The following CAMTA1 variants were observed in gnomAD, a reference collection of about 807,000 sequenced individuals.
CAMTA1 encodes the protein calmodulin binding transcription activator 1.
In CAMTA1, 27 loss-of-function variants were observed where a neutral mutation model predicts 170.9. That is an observed-to-expected ratio of 0.16 (90% CI 0.12 to 0.22). CAMTA1 has a LOEUF of 0.22. Ranked by LOEUF, CAMTA1 falls within the 10% of genes least tolerant of loss-of-function variation. CAMTA1 has a pLI of 1.00. For synonymous variants in CAMTA1, 833 were observed against 891.5 expected (o/e 0.93, Z 1.17); for missense variants, 1,619 against 2,217.2 (o/e 0.73, Z 5.42).
intron 6 of CAMTA1, among the ~76,000 whole-genome samples, chr1:7,558,042 G>C (rs1181027647): frequency 2.0e-5 from 3 of 152,102 alleles, no homozygotes; most frequent in Non-Finnish European, 2.9e-5. Context: ...GGCATCCTGA[G>C]GTAAAGTGAT....
At position 7,573,443 on chromosome 1, in the gene CAMTA1, C is replaced by G. The variant is rs559152817; in HGVS notation, c.511-66957C>G. Among the ~76,000 whole-genome samples the G allele has an allele frequency of 7.9e-5, 12 of 152,342 alleles. No homozygotes were observed. In the South Asian group the frequency reaches 2.1e-3, roughly 26 times the overall value. On this transcript the variant is annotated intron_variant, in intron 6 of 22. Coordinates refer to ENST00000303635, the MANE Select transcript of CAMTA1 (RefSeq NM_015215.4). Reference sequence around the variant, plus strand: ...GATAATGGTGTTTCTATGAAGGGAACAGTGGTCCCTGGCTGCCCTAATAAA... The same window carrying G: ...GATAATGGTGTTTCTATGAAGGGAAGAGTGGTCCCTGGCTGCCCTAATAAA...
rs1326639217 is a variant in CAMTA1, at chr1:7,633,197, A to G, written c.511-7203A>G. Among the ~76,000 whole-genome samples, 1 of 152,200 alleles carries G rather than the reference A, an allele frequency of 6.6e-6. No homozygotes were observed. The highest frequency in any genetic ancestry group is 1.5e-5 in the Non-Finnish European group (1 of 68,034). ...AAGGTGCCATCTAGAAAAGGTTCTC[A>G]AAGAGATTGACTCTACCTCAGGCTC... On this transcript the variant is annotated intron_variant, in intron 6 of 22. Coordinates refer to ENST00000303635, the MANE Select transcript of CAMTA1 (RefSeq NM_015215.4). The surrounding 1 kb of genome is among the most constrained non-coding windows in gnomAD (Gnocchi z 4.1).
At chr1:7,659,226 G>A (rs1276519153) in intron 7 of CAMTA1, among the ~76,000 whole-genome samples, 1 of 152,202 alleles carries the variant, frequency 6.6e-6, no homozygotes, top group Non-Finnish European at 1.5e-5. Context: ...CTCACACATG[G>A]GTGATTTCCT....
rs920579693 is a variant in CAMTA1 at position 6,900,857 on chromosome 1, A to T, written c.234+75647A>T. On this transcript the variant is annotated intron_variant, in intron 3 of 22. Coordinates refer to ENST00000303635, the MANE Select transcript of CAMTA1 (RefSeq NM_015215.4). The stretch of plus-strand genomic sequence containing the variant: ...TAAGATGTCTGTTTTCCCTAAATTG[A>T]TTTATGAATTCCGTGCCATCCTACT... Among the ~76,000 whole-genome samples, 4 of 152,366 alleles carry T rather than the reference A, an allele frequency of 2.6e-5. No homozygotes were observed. In the East Asian group the frequency reaches 7.7e-4, roughly 29 times the overall value.
chr1:7,724,715 C>T (rs774930230), intron 11 of CAMTA1, among the ~76,000 whole-genome samples: 2 of 149,174 alleles, frequency 1.3e-5, no homozygotes, highest in Non-Finnish European at 3.0e-5. Context: ...CCCAGCTACT[C>T]GGGAGGCTGA....
intron 3 of CAMTA1, among the ~76,000 whole-genome samples, chr1:7,089,776 C>A (rs965522282): frequency 2.0e-5 from 3 of 152,106 alleles, no homozygotes; most frequent in South Asian, 2.1e-4. Flanking sequence ...GGGGAAGGTG[C>A]CAGTGCCACC....
intron 3 of CAMTA1, among the ~76,000 whole-genome samples, chr1:7,009,578 C>T (rs531520022): frequency 2.6e-5 from 4 of 152,302 alleles, no homozygotes; most frequent in African/African-American, 7.2e-5. Flanking sequence ...GAAGGACCAC[C>T]GCAGCCTCAG....
At chr1:7,364,447 C>CTTTT (rs5772274) in intron 5 of CAMTA1, among the ~76,000 whole-genome samples, 1 of 144,410 alleles carries the variant, frequency 6.9e-6, no homozygotes. Flanking sequence ...CCTTGTGACT[C>CTTTT]TTTTTTTTTT....
intron 3 of CAMTA1, among the ~76,000 whole-genome samples, chr1:6,982,797 T>C (rs1694662769): frequency 7.1e-6 from 1 of 141,654 alleles, no homozygotes; most frequent in South Asian, 2.6e-4. Context: ...TGGTTGAAGG[T>C]GCTGGCCGTA....
At chr1:7,218,888 G>A (rs1660226644) in intron 4 of CAMTA1, among the ~76,000 whole-genome samples, 1 of 152,044 alleles carries the variant, frequency 6.6e-6, no homozygotes, top group Non-Finnish European at 1.5e-5. Flanking sequence ...TGTTCTTCTT[G>A]TTGATCTGTG....
chr1:6,812,152 G>T (rs545665279), intron 1 of CAMTA1, among the ~76,000 whole-genome samples: 5 of 152,242 alleles, frequency 3.3e-5, no homozygotes, highest in Admixed American at 2.6e-4. Context: ...TTTTCTGCCC[G>T]CATTTTTGCA....
At chr1:7,729,092 A>G (rs1017296757) in intron 11 of CAMTA1, among the ~76,000 whole-genome samples, 2 of 151,180 alleles carry the variant, frequency 1.3e-5, no homozygotes, top group Admixed American at 6.6e-5. Context: ...GAAGTAGTTT[A>G]TTAGAAATTA....
intron 5 of CAMTA1, among the ~76,000 whole-genome samples, chr1:7,441,769 T>C (rs1325488709): frequency 6.6e-6 from 1 of 152,110 alleles, no homozygotes; most frequent in Non-Finnish European, 1.5e-5. Context: ...AGTGTGCTTG[T>C]TCGTCTCGCT....
chr1:7,376,594 C>T (rs1452738049), intron 5 of CAMTA1, among the ~76,000 whole-genome samples: 2 of 152,136 alleles, frequency 1.3e-5, no homozygotes, highest in East Asian at 3.9e-4. Context: ...CTTCATTGTC[C>T]TCCCTCTATT....
chr1:7,716,759 C>A (rs2096612996), intron 11 of CAMTA1, among the ~76,000 whole-genome samples: 1 of 152,118 alleles, frequency 6.6e-6, no homozygotes, highest in Admixed American at 6.6e-5. Context: ...ATCCAGCAAT[C>A]CCACCACTGC....
In CAMTA1 at chr1:7,736,467, C is replaced by T. The variant is rs762992014; in HGVS notation, c.3190C>T (p.Arg1064Cys). Reference sequence around the variant, plus strand: ...GCACTTGATCCACTCAAAGACTTTCCGCGGAATGACCCTACTCCACCTGGC... The same window carrying T: ...GCACTTGATCCACTCAAAGACTTTCTGCGGAATGACCCTACTCCACCTGGC... ...SKHLIHSKTF[R>C]GMTLLHLAAA... Residue 1064 changes from arginine (R) to cysteine (C), a missense_variant, in exon 13 of 23, where the codon CGC becomes TGC. Physicochemically the swap from Arg to Cys is radical, Grantham distance 180 (BLOSUM62 -3). Transcript: ENST00000303635. The surrounding 1 kb of genome is among the most constrained non-coding windows in gnomAD (Gnocchi z 4.5). 3.8e-5 allele frequency: 61 copies of T among 1,613,998 alleles called. No homozygotes were observed. The highest frequency in any genetic ancestry group is 1.3e-4 in the Admixed American group (8 of 59,982).
rs552639770 is a variant in CAMTA1 at position 7,566,938 on chromosome 1, G to A, written c.511-73462G>A. 3.9e-5 allele frequency among the ~76,000 whole-genome samples: 6 copies of A among 152,328 alleles called. No homozygotes were observed. The South Asian group carries it at 8.3e-4, about 21-fold the overall frequency. Reference sequence around the variant, plus strand: ...CAGTCTTCATGGACCTTGCCTGCTAGTAGGAAGGAGCTAAAACAAGTGAGC... The same window carrying A: ...CAGTCTTCATGGACCTTGCCTGCTAATAGGAAGGAGCTAAAACAAGTGAGC... On this transcript the variant is annotated intron_variant, in intron 6 of 22. Transcript: ENST00000303635.
At chr1:7,678,068 C>A (rs1214632729) in intron 11 of CAMTA1, among the ~76,000 whole-genome samples, 1 of 152,186 alleles carries the variant, frequency 6.6e-6, no homozygotes, top group Non-Finnish European at 1.5e-5. Context: ...TGGCGAAGGA[C>A]CCCAGGCAGC....
intron 5 of CAMTA1, among the ~76,000 whole-genome samples, chr1:7,423,664 T>C (rs2091715345): frequency 1.3e-5 from 2 of 152,024 alleles, no homozygotes; most frequent in African/African-American, 4.8e-5. Flanking sequence ...GTGTAATCTC[T>C]CTGATCAGTT....
Sources: allele counts gnomAD v4.1 joint callset (sites outside exome capture counted in the v4.1 genomes callset), GRCh38; gene constraint gnomAD v4.1.1; non-coding constraint Gnocchi (gnomAD v3.1); transcripts MANE v1.5; gene names NCBI Gene and HGNC (gene_info 2026-07-23, HGNC 2026-07-21).